Variants in IFIH1 observed in about 807,000 individuals in gnomAD.
The protein encoded by IFIH1 is interferon-induced helicase C domain-containing protein 1.
Under a neutral mutation model 107.4 loss-of-function variants are expected in IFIH1, and 125 were observed. The ratio of observed to expected loss-of-function variants is 1.16; its 90% CI spans 1.01 to 1.35. The LOEUF is 1.35. Ranked by LOEUF, IFIH1 falls within the 40% of genes most tolerant of loss-of-function variation. IFIH1 has a pLI of 0.00. For missense variants in IFIH1, 1,333 were observed against 1,213.7 expected, an observed-to-expected ratio of 1.10 and a Z score of -1.46; for synonymous variants, 458 against 413.2, an observed-to-expected ratio of 1.11 and a Z score of -1.31.
chr2:162,268,144 C>T lies in IFIH1; in HGVS notation c.2750G>A (p.Gly917Glu), dbSNP rs1690961624. 1 of 1,612,110 alleles carries T rather than the reference C, an allele frequency of 6.2e-7. No individual in the cohort carries two copies. Among genetic ancestry groups the T allele is most frequent in the African/African-American group, 1.3e-5 (1 of 74,820 alleles). Residue 917 changes from glycine (G) to glutamate (E), a missense_variant, in exon 14 of 16, where the codon GGG becomes GAG. Coordinates refer to ENST00000649979, the MANE Select transcript of IFIH1 (RefSeq NM_022168.4). ...TTTCTCAATTACATGGATATCTTCCCCAGAACAGGCTAGCACACTGCAGTT... is the reference window on the plus strand; with the variant it reads ...TTTCTCAATTACATGGATATCTTCCTCAGAACAGGCTAGCACACTGCAGTT... The part of the protein sequence containing the change: ...CKNCSVLACS[G>E]EDIHVIEKMH...
Position 162,318,433 on chromosome 2 carries a change from T to C in IFIH1, c.-126A>G. 1 of 785,290 alleles carries C rather than the reference T, an allele frequency of 1.3e-6. No homozygotes were observed. The highest frequency in any genetic ancestry group is 2.1e-6 in the Non-Finnish European group (1 of 485,512). 48.6% of individuals were successfully genotyped at this position (785,290 alleles called of 1,614,324 possible). A position where few individuals can be genotyped will look rare whatever the true frequency, so the allele number is the denominator to read the frequency against. On this transcript the variant is annotated 5_prime_UTR_variant, in exon 1 of 16. Coordinates refer to ENST00000649979, the MANE Select transcript of IFIH1 (RefSeq NM_022168.4). ...GAAGCAGGGTCTACCGCTCTGTGCC[T>C]GACAATGACGAGGTTGTCCACAGGG...
At chr2:162,286,696 C>T (rs1054423228) in intron 5 of IFIH1, among the ~76,000 whole-genome samples, 7 of 151,916 alleles carry the variant, frequency 4.6e-5, no homozygotes, top group Admixed American at 1.3e-4. Context: ...TCAAAATTAT[C>T]AGTTTAAGTA....
intron 13 of IFIH1, 102 bp downstream of exon 13, chr2:162,272,124 T>G (rs759127525): frequency 4.1e-5 from 37 of 903,744 alleles, no homozygotes; most frequent in Non-Finnish European, 6.5e-5. Flanking sequence ...AACTTATAAT[T>G]CAGCACAATT....
At chr2:162,309,275 G>A (rs889951549) in intron 2 of IFIH1, among the ~76,000 whole-genome samples, 1 of 152,176 alleles carries the variant, frequency 6.6e-6, no homozygotes, top group African/African-American at 2.4e-5. Context: ...ACAGCTTTCT[G>A]TGAGGATAGC....
chr2:162,282,273 A>T, intron 6 of IFIH1, 93 bp downstream of exon 6: 1 of 771,470 alleles, frequency 1.3e-6, no homozygotes, highest in Non-Finnish European at 2.0e-6. Flanking sequence ...AAGACAATTT[A>T]AGCCACGAAC....
intron 4 of IFIH1, among the ~76,000 whole-genome samples, chr2:162,292,675 T>A (rs1171302236): frequency 4.6e-5 from 7 of 151,850 alleles, no homozygotes; most frequent in Admixed American, 2.0e-4. Context: ...AATAAAGTAA[T>A]GTGTTTCTTA....
rs745832864 is a variant in IFIH1, at chr2:162,318,302, C to A, written c.6G>T (p.Ser2=). The A allele has an allele frequency of 6.2e-7, 1 of 1,609,770 alleles. No homozygotes were observed. The highest frequency in any genetic ancestry group is 1.3e-5 in the African/African-American group (1 of 74,954). The change falls in exon 1 of 16, where the codon TCG becomes TCT. Residue 2 remains serine, a synonymous_variant. Coordinates refer to ENST00000649979, the MANE Select transcript of IFIH1 (RefSeq NM_022168.4). The part of the protein sequence containing the change: M[S]NGYSTDENFR... ...AATTCTCGTCTGTGGAATACCCATT[C>A]GACATCTTTCTTTCTCAGAGAAGGG...
chr2:162,282,619 C>A lies in IFIH1; in HGVS notation c.1096-43G>T. On this transcript the variant is annotated intron_variant, in intron 5 of 15. Transcript: ENST00000649979. ...ATTTTTTAAAAGAGAGAAAGTTAGTCGAAGCCAAAAGAGTGTTGATCAAAG... is the reference window on the plus strand; with the variant it reads ...ATTTTTTAAAAGAGAGAAAGTTAGTAGAAGCCAAAAGAGTGTTGATCAAAG... The A allele has an allele frequency of 2.2e-6, 3 of 1,367,258 alleles. No homozygotes were observed. The South Asian group carries it at 3.8e-5, about 17-fold the overall frequency. The allele number at this position is 1,367,258 out of a possible 1,614,324, so 84.7% of individuals were successfully genotyped here. A position where few individuals can be genotyped will look rare whatever the true frequency, so the allele number is the denominator to read the frequency against.
In IFIH1 at chr2:162,306,795, G is replaced by A. The variant is rs746288754; in HGVS notation, c.683C>T (p.Thr228Ile). The A allele has an allele frequency of 1.9e-6, 3 of 1,613,886 alleles. No homozygotes were observed. Among genetic ancestry groups the A allele is most frequent in the South Asian group, 1.1e-5 (1 of 91,070 alleles). ...CTCCTTCTCCAGATTTGGCTGAACT[G>A]TGGTTGAAAGAAGTTGCTCTTCCAC... is the stretch of plus-strand genomic sequence containing the variant. ...PQVEEQLLST[T>I]VQPNLEKEVW... Residue 228 changes from threonine to isoleucine, a missense_variant, in exon 3 of 16, where the codon ACA becomes ATA. By Grantham distance (89) the Thr-to-Ile change is moderately conservative. Coordinates refer to ENST00000649979, the MANE Select transcript of IFIH1 (RefSeq NM_022168.4).
At chr2:162,286,854 C>T (rs1682903061) in intron 5 of IFIH1, among the ~76,000 whole-genome samples, 1 of 151,944 alleles carries the variant, frequency 6.6e-6, no homozygotes, top group Non-Finnish European at 1.5e-5. Flanking sequence ...GGAGTCATTA[C>T]TAGGCCATAT....
chr2:162,314,400 T>TCCCTCCCTCCC (rs1558877385), intron 1 of IFIH1, among the ~76,000 whole-genome samples: 2 of 62,458 alleles, frequency 3.2e-5, no homozygotes, highest in African/African-American at 2.4e-4. Context: ...CCCTCCCTCC[T>TCCCTCCCTCCC]TTCTTTCTTT....
intron 3 of IFIH1, among the ~76,000 whole-genome samples, chr2:162,300,319 ACT>A (rs1683171224): frequency 6.6e-6 from 1 of 152,048 alleles, no homozygotes; most frequent in South Asian, 2.1e-4. Context: ...TTTTGTTAAA[ACT>A]CTGCTAAAAA....
chr2:162,316,166 A>G (rs1173302897), intron 1 of IFIH1, among the ~76,000 whole-genome samples: 1 of 152,228 alleles, frequency 6.6e-6, no homozygotes, highest in Non-Finnish European at 1.5e-5. Context: ...AAGTATTTAG[A>G]GTAAATAGGG....
Position 162,280,945 on chromosome 2 carries a change from C to T in IFIH1, c.1524+383G>A, listed in dbSNP as rs911805502. Among the ~76,000 whole-genome samples, 8 of 152,056 alleles carry T rather than the reference C, an allele frequency of 5.3e-5. No individual in the cohort carries two copies. In the East Asian group the frequency reaches 5.8e-4, roughly 11 times the overall value. Reference sequence around the variant, plus strand: ...AATAACATATGAAGGACAGAAAATACGCAGTTTTGAAACTCATGGAGTAAG... The same window carrying T: ...AATAACATATGAAGGACAGAAAATATGCAGTTTTGAAACTCATGGAGTAAG... On this transcript the variant is annotated intron_variant, in intron 7 of 15. Transcript: ENST00000649979.
intron 3 of IFIH1, among the ~76,000 whole-genome samples, chr2:162,296,427 ATAT>A (rs1458714255): frequency 6.6e-6 from 1 of 152,128 alleles, no homozygotes; most frequent in Non-Finnish European, 1.5e-5. Flanking sequence ...TGGTAGATAC[ATAT>A]TATCTCCTGT....
chr2:162,276,647 GAAAGA>G (rs753063005), intron 11 of IFIH1, 35 bp downstream of exon 11: 26 of 1,565,622 alleles, frequency 1.7e-5, no homozygotes, highest in East Asian at 2.3e-5. Flanking sequence ...GAAGAAAAGA[GAAAGA>G]AAAGAAAAGA....
At chr2:162,313,363 C>G (rs1237786436) in intron 1 of IFIH1, among the ~76,000 whole-genome samples, 1 of 152,200 alleles carries the variant, frequency 6.6e-6, no homozygotes, top group Non-Finnish European at 1.5e-5. Flanking sequence ...GCCCCTCCCC[C>G]ACTCGAAGTT....
rs767335217 is a variant in IFIH1, at chr2:162,282,423, G to T, written c.1249C>A (p.Leu417Ile). Residue 417 changes from leucine (L) to isoleucine (I), a missense_variant, in exon 6 of 16, where the codon CTT becomes ATT. Leu to Ile is a conservative substitution (Grantham distance 5). Coordinates refer to ENST00000649979, the MANE Select transcript of IFIH1 (RefSeq NM_022168.4). The stretch of plus-strand genomic sequence containing the variant: ...TCCAAGTTTAAGAGGGAGTTTTCAA[G>T]GATTTGAGCTGTACTGATAATAATA... ...CDIIISTAQI[L>I]ENSLLNLENG... is the part of the protein sequence containing the mutation. The T allele has an allele frequency of 6.2e-7, 1 of 1,611,754 alleles. No individual in the cohort carries two copies. Among genetic ancestry groups the T allele is most frequent in the Non-Finnish European group, 8.5e-7 (1 of 1,178,620 alleles).
At chr2:162,289,071 G>A (rs1682949652) in intron 4 of IFIH1, among the ~76,000 whole-genome samples, 1 of 151,692 alleles carries the variant, frequency 6.6e-6, no homozygotes, top group Non-Finnish European at 1.5e-5. Context: ...TAATTGGTAG[G>A]TTTTCCTTGA....
Sources: allele counts gnomAD v4.1 joint callset (sites outside exome capture counted in the v4.1 genomes callset), GRCh38; gene constraint gnomAD v4.1.1; transcripts MANE v1.5; gene names NCBI Gene and HGNC (gene_info 2026-07-23, HGNC 2026-07-21).